PTPN18: variants seen among roughly 807,000 people sequenced by gnomAD.
PTPN18 encodes the protein tyrosine-protein phosphatase non-receptor type 18.
In PTPN18, 65 loss-of-function variants were observed where a neutral mutation model predicts 65.4. The ratio of observed to expected loss-of-function variants is 0.99; its 90% CI spans 0.81 to 1.22. The LOEUF (loss-of-function observed/expected upper bound fraction) is 1.22, where lower values mean the gene tolerates loss of function less well. Ranked by LOEUF, PTPN18 falls within the 50% of genes most tolerant of loss-of-function variation. The probability of loss-of-function intolerance (pLI) is 0.00; values close to 1 mark genes in which losing one functional copy is unlikely to be tolerated. For synonymous variants in PTPN18, 255 were observed against 267.8 expected, an observed-to-expected ratio of 0.95 and a Z score of 0.47; for missense variants, 616 against 646.5, an observed-to-expected ratio of 0.95 and a Z score of 0.51.
At chr2:130,369,998 T>A in intron 7 of PTPN18, 50 bp from the exon 8 acceptor site, 1 of 1,605,452 alleles carries the variant, frequency 6.2e-7, no homozygotes, top group Non-Finnish European at 8.5e-7. Context: ...CAATTAATGC[T>A]TTTTTCTTTT....
chr2:130,362,913 G>A (rs1300667192), intron 5 of PTPN18, among the ~76,000 whole-genome samples: 1 of 151,814 alleles, frequency 6.6e-6, no homozygotes, highest in African/African-American at 2.4e-5. Flanking sequence ...TCCGCCTCCC[G>A]GGTCCACGCC....
intron 5 of PTPN18, among the ~76,000 whole-genome samples, chr2:130,367,050 ATTTTT>A (rs57039741): frequency 3.8e-5 from 4 of 104,202 alleles, no homozygotes; most frequent in African/African-American, 1.4e-4. Flanking sequence ...GCTAATTTTA[ATTTTT>A]TTTTTTTTTT....
intron 1 of PTPN18, among the ~76,000 whole-genome samples, 199 bp downstream of exon 1, chr2:130,356,399 CCCGGAGCGCGACGTCCACGGCCAGG>C (rs1392512156): frequency 4.6e-5 from 7 of 152,154 alleles, no homozygotes; most frequent in African/African-American, 1.7e-4. Context: ...GCCCCCCGGC[CCCGGAGCGCGACGTCCACGGCCAGG>C]CCGGGACGGA....
Position 130,370,571 on chromosome 2 carries a change from G to A in PTPN18, c.704G>A (p.Arg235Gln), listed in dbSNP as rs745378946. Residue 235 changes from arginine to glutamine, a missense_variant, in exon 9 of 15, where the codon CGA becomes CAA. Arg to Gln is a conservative substitution (Grantham distance 43). Around this residue, in one of 3 missense-constraint regions of PTPN18, gnomAD observed 368 missense variants for 386.7 expected, o/e 0.95. Transcript: ENST00000175756. ...TCTCTTGTCAGTGCGGGTTGTGGGC[G>A]AACAGGCGTCCTGTGCACCGTGGAT... is the stretch of plus-strand genomic sequence containing the variant. ...LCVHCSAGCG[R>Q]TGVLCTVDYV... The A allele has an allele frequency of 1.1e-5, 17 of 1,614,002 alleles. No homozygotes were observed. Among genetic ancestry groups the A allele is most frequent in the South Asian group, 5.5e-5 (5 of 91,068 alleles).
intron 5 of PTPN18, among the ~76,000 whole-genome samples, chr2:130,362,606 G>A (rs568688983): frequency 1.3e-5 from 2 of 151,860 alleles, no homozygotes; most frequent in Non-Finnish European, 2.9e-5. Context: ...AGTATATTTC[G>A]ATTACCCCTT....
intron 7 of PTPN18, 81 bp downstream of exon 7, chr2:130,369,908 T>C: frequency 1.3e-6 from 2 of 1,536,342 alleles, no homozygotes; most frequent in South Asian, 2.3e-5. Flanking sequence ...GGCATCATAC[T>C]AGTACCCACT....
At position 130,375,056 on chromosome 2, in the gene PTPN18, G is replaced by T. The variant is rs990987328; in HGVS notation, c.*1832G>T. The T allele has an allele frequency of 1.0e-5, 2 of 198,824 alleles. No individual in the cohort carries two copies. Among genetic ancestry groups the T allele is most frequent in the Non-Finnish European group, 2.1e-5 (2 of 95,512 alleles). The allele number at this position is 198,824 out of a possible 1,614,324, so 12.3% of individuals were successfully genotyped here. ...GTGCCCCTACTCCCACTCTAGAGCT[G>T]CCCCGTTTCTCTGTTTTCGTGAAAG... On this transcript the variant is annotated 3_prime_UTR_variant, in exon 15 of 15. Transcript: ENST00000175756.
chr2:130,372,784 G>A, intron 13 of PTPN18, 89 bp from the exon 14 acceptor site: 1 of 1,485,946 alleles, frequency 6.7e-7, no homozygotes, highest in Non-Finnish European at 9.3e-7. Flanking sequence ...TCCCCTTCGG[G>A]CCTCCGGGGA....
intron 5 of PTPN18, 90 bp from the exon 6 acceptor site, chr2:130,369,043 G>A (rs1573864577): frequency 1.8e-6 from 2 of 1,111,482 alleles, no homozygotes; most frequent in African/African-American, 1.6e-5. Flanking sequence ...TCCACCACGA[G>A]CACCTGGGGT....
rs1680654330 is a variant in PTPN18 at position 130,373,769 on chromosome 2, T to G, written c.*545T>G. ...AAGCTTCAGAGATACAGTCCACAGGTGGACAAAGGGATCCCCAGCCAGAGA... is the reference window on the plus strand; with the variant it reads ...AAGCTTCAGAGATACAGTCCACAGGGGGACAAAGGGATCCCCAGCCAGAGA... On this transcript the variant is annotated 3_prime_UTR_variant, in exon 15 of 15. Transcript: ENST00000175756. The surrounding 1 kb of genome is among the most constrained non-coding windows in gnomAD (Gnocchi z 4.1). The G allele has an allele frequency of 6.6e-6, 1 of 152,610 alleles. No homozygotes were observed. The highest frequency in any genetic ancestry group is 1.9e-4 in the East Asian group (1 of 5,178). 9.5% of individuals were successfully genotyped at this position (152,610 alleles called of 1,614,324 possible). A position where few individuals can be genotyped will look rare whatever the true frequency, so the allele number is the denominator to read the frequency against.
In PTPN18 at chr2:130,372,244, TC is replaced by T. The variant is rs1680588774; in HGVS notation, c.1014-10del. On this transcript the variant is annotated splice_polypyrimidine_tract_variant and intron_variant, in intron 12 of 14. Coordinates refer to ENST00000175756, the MANE Select transcript of PTPN18 (RefSeq NM_014369.4). ...CCGCCGTTTCACTTCCTCCCGGCCC[TC>T]CCTGCCTGCAGGAGCATCTCTGTGC... 1 of 1,568,998 alleles carries T rather than the reference TC, an allele frequency of 6.4e-7. No individual in the cohort carries two copies. The highest frequency in any genetic ancestry group is 8.6e-7 in the Non-Finnish European group (1 of 1,166,050).
chr2:130,374,875 T>C lies in PTPN18; in HGVS notation c.*1651T>C. ...GCCTTCAATCAAGGAATGATGGGGA[T>C]GTGTACATACCCCACCCCACCCCTT... On this transcript the variant is annotated 3_prime_UTR_variant, in exon 15 of 15. Transcript: ENST00000175756. The C allele has an allele frequency of 2.8e-6, 1 of 354,674 alleles. No individual in the cohort carries two copies. The highest frequency in any genetic ancestry group is 5.7e-6 in the Non-Finnish European group (1 of 176,982). 22.0% of individuals were successfully genotyped at this position (354,674 alleles called of 1,614,324 possible). A position where few individuals can be genotyped will look rare whatever the true frequency, so the allele number is the denominator to read the frequency against.
Position 130,358,906 on chromosome 2 carries a change from G to C in PTPN18, c.133G>C (p.Val45Leu), listed in dbSNP as rs138630717. Residue 45 changes from valine (V) to leucine (L), a missense_variant, in exon 2 of 15, where the codon GTG (valine) becomes CTG (leucine). Around this residue, in one of 3 missense-constraint regions of PTPN18, gnomAD observed 223 missense variants for 210.0 expected, o/e 1.06. Coordinates refer to ENST00000175756, the MANE Select transcript of PTPN18 (RefSeq NM_014369.4). ...CTCGGCCGCCTGGAAGGCTGACGGC[G>C]TGTGCTCCACCGTGGCCGGCAGTCG... ...ACSAAWKADGVCSTVAGSRPE... is the reference protein window; with the variant it reads ...ACSAAWKADGLCSTVAGSRPE... The C allele has an allele frequency of 6.3e-5, 101 of 1,614,014 alleles. No individual in the cohort carries two copies. In the African/African-American group the frequency reaches 1.2e-3, roughly 19 times the overall value.
At chr2:130,363,551 T>C (rs1286599478) in intron 5 of PTPN18, among the ~76,000 whole-genome samples, 1 of 152,250 alleles carries the variant, frequency 6.6e-6, no homozygotes, top group Non-Finnish European at 1.5e-5. Flanking sequence ...TTTGCCTTTA[T>C]ACATTTGCTT....
At chr2:130,364,688 C>T (rs1270763922) in intron 5 of PTPN18, among the ~76,000 whole-genome samples, 14 of 152,116 alleles carry the variant, frequency 9.2e-5, no homozygotes, top group South Asian at 2.1e-4. Flanking sequence ...CCCAGCTACT[C>T]GGGAGGCTGA....
At position 130,374,448 on chromosome 2, in the gene PTPN18, G is replaced by T. The variant is rs1680676044; in HGVS notation, c.*1224G>T. 2 of 349,358 alleles carry T rather than the reference G, an allele frequency of 5.7e-6. No individual in the cohort carries two copies. Among genetic ancestry groups the T allele is most frequent in the Admixed American group, 7.2e-5 (2 of 27,934 alleles). The allele number at this position is 349,358 out of a possible 1,614,324, so 21.6% of individuals were successfully genotyped here. A position where few individuals can be genotyped will look rare whatever the true frequency, so the allele number is the denominator to read the frequency against. ...CTCCCAAAGTGCTGAGATTACAGGT[G>T]TGAGCCACCAGGCTCAGCCCCCTAA... On this transcript the variant is annotated 3_prime_UTR_variant, in exon 15 of 15. Coordinates refer to ENST00000175756, the MANE Select transcript of PTPN18 (RefSeq NM_014369.4).
chr2:130,365,381 A>C (rs747946565), intron 5 of PTPN18, among the ~76,000 whole-genome samples: 1 of 152,168 alleles, frequency 6.6e-6, no homozygotes, highest in Non-Finnish European at 1.5e-5. Flanking sequence ...CCATTTGTAT[A>C]TCTTCTCTGG....
Position 130,371,188 on chromosome 2 carries a change from T to G in PTPN18, c.925-11T>G. 1.3e-6 allele frequency: 2 copies of G among 1,595,346 alleles called. No individual in the cohort carries two copies. The highest frequency in any genetic ancestry group is 1.7e-6 in the Non-Finnish European group (2 of 1,165,598). Reference sequence around the variant, plus strand: ...CCTCCCTCAGGAGCCTCCCCTCCTGTTTTTCTTCAGAATTGTGCCCCACTC... The same window carrying G: ...CCTCCCTCAGGAGCCTCCCCTCCTGGTTTTCTTCAGAATTGTGCCCCACTC... On this transcript the variant is annotated splice_polypyrimidine_tract_variant and intron_variant, in intron 11 of 14. Transcript: ENST00000175756.
chr2:130,361,104 T>A (rs1680176599), intron 5 of PTPN18, among the ~76,000 whole-genome samples: 1 of 152,232 alleles, frequency 6.6e-6, no homozygotes, highest in Non-Finnish European at 1.5e-5. Context: ...ACAGACTTTT[T>A]AAAAAGACAC....
Sources: allele counts gnomAD v4.1 joint callset (sites outside exome capture counted in the v4.1 genomes callset), GRCh38; gene constraint gnomAD v4.1.1; regional missense constraint gnomAD v4.1.1; non-coding constraint Gnocchi (gnomAD v3.1); transcripts MANE v1.5; gene names NCBI Gene and HGNC (gene_info 2026-07-23, HGNC 2026-07-21).